The following CDH24 variants were observed in gnomAD, a reference collection of about 807,000 sequenced individuals.
The protein encoded by CDH24 is cadherin 24, also known as cadherin-24.
A neutral mutation model predicts 71.2 loss-of-function variants in CDH24; 61 were observed. The observed-to-expected ratio is 0.86, with a 90% CI of 0.70 to 1.06. The LOEUF (loss-of-function observed/expected upper bound fraction) is 1.06. CDH24 is among the 50% of genes least tolerant of loss of function. CDH24 has a pLI of 0.00. For missense variants in CDH24, 961 were observed against 1,083.7 expected (o/e 0.89, Z 1.59); for synonymous variants, 440 against 470.2 (o/e 0.94, Z 0.83).
chr14:23,050,925 A>G lies in CDH24; in HGVS notation c.1364-982T>C, dbSNP rs565140315. 2.6e-4 allele frequency among the ~76,000 whole-genome samples: 39 copies of G among 152,202 alleles called. 1 individual carries two copies. Among genetic ancestry groups the G allele is most frequent in the Non-Finnish European group, 2.9e-5 (2 of 67,972 alleles). On this transcript the variant is annotated intron_variant, in intron 8 of 12. Coordinates refer to ENST00000487137, the MANE Select transcript of CDH24 (RefSeq NM_144985.4). The stretch of plus-strand genomic sequence containing the variant: ...GGGATACCCCAGAGACAGGATGGGG[A>G]GGAGGTCTACTTCTTCCCTGCGGTA...
chr14:23,053,255 C>T (rs1036553386), intron 7 of CDH24, among the ~76,000 whole-genome samples: 1 of 152,198 alleles, frequency 6.6e-6, no homozygotes, highest in African/African-American at 2.4e-5. Flanking sequence ...ACTTGCACTG[C>T]CACTGGGAGG....
intron 7 of CDH24, 102 bp downstream of exon 7, chr14:23,053,394 G>A: frequency 1.5e-6 from 2 of 1,325,932 alleles, no homozygotes; most frequent in Non-Finnish European, 2.0e-6. Flanking sequence ...GCTTTTGCTG[G>A]GATATGAGTG....
chr14:23,048,297 C>G lies in CDH24; in HGVS notation c.2029G>C (p.Gly677Arg). 1 of 1,595,250 alleles carries G rather than the reference C, an allele frequency of 6.3e-7. No individual in the cohort carries two copies. The highest frequency in any genetic ancestry group is 8.5e-7 in the Non-Finnish European group (1 of 1,173,414). Reference protein sequence around the residue: ...NPDGAAPPAPGPPARRDVLPR... With the variant: ...NPDGAAPPAPRPPARRDVLPR... ...AACACGTCTCGGCGCGCGGGAGGGC[C>G]GGGCGCCGGGGGGGCCGCCCCGTCC... The change falls in exon 12 of 13, where the codon GGC becomes CGC. Residue 677 changes from glycine (G) to arginine (R), a missense_variant. By Grantham distance (125) the Gly-to-Arg change is moderately radical (BLOSUM62 -2). Transcript: ENST00000487137.
chr14:23,052,021 C>T (rs1324066515), intron 8 of CDH24: 6 of 1,588,488 alleles, frequency 3.8e-6, no homozygotes, highest in Non-Finnish European at 5.1e-6. Flanking sequence ...GGTGGGGCTG[C>T]TGGTGCACTC....
rs776504296 is a variant in CDH24, at chr14:23,048,174, C to T, written c.2152G>A (p.Gly718Ser). 5.2e-6 allele frequency: 7 copies of T among 1,350,914 alleles called. No individual in the cohort carries two copies. The South Asian group carries it at 1.2e-4, about 23-fold the overall frequency. 83.7% of individuals were successfully genotyped at this position (1,350,914 alleles called of 1,614,324 possible). The change falls in exon 12 of 13, where the codon GGC (glycine) becomes AGC (serine). Residue 718 changes from glycine (G) to serine (S), a missense_variant. Coordinates refer to ENST00000487137, the MANE Select transcript of CDH24 (RefSeq NM_144985.4). ...LRLREADEDP[G>S]VPPYDSVQVY... ...TGCACCGAGTCGTACGGGGGTACGC[C>T]GGGGTCCTCGTCCGCCTCGCGGAGC... is the stretch of plus-strand genomic sequence containing the variant.
rs2047109253 is a variant in CDH24 at position 23,054,423 on chromosome 14, G to GAGGCGA, written c.784+77_784+82dup. The GAGGCGA allele has an allele frequency of 1.9e-6, 3 of 1,554,220 alleles. No homozygotes were observed. The South Asian group carries it at 3.7e-5, about 19-fold the overall frequency. Reference sequence around the variant, plus strand: ...ATTCTCCCAGGATCTGGCTGGGGAGGAGGCGAGGAGGGAAGGTTTCTCCAG... The same window carrying GAGGCGA: ...ATTCTCCCAGGATCTGGCTGGGGAGGAGGCGAAGGCGAGGAGGGAAGGTTTCTCCAG... On this transcript the variant is annotated intron_variant, in intron 5 of 12. Transcript: ENST00000487137. The surrounding 1 kb of genome is among the most constrained non-coding windows in gnomAD (Gnocchi z 5.2).
chr14:23,054,814 C>A lies in CDH24; in HGVS notation c.549G>T (p.Gly183=). The part of the protein sequence containing the change: ...TAHDADDPSY[G]NSAKLVYTVL... ...CAGTGTACACCAGCTTGGCACTGTT[C>A]CCATAGCTGGGGTCATCAGCATCGT... Residue 183 remains glycine (G), a synonymous_variant, in exon 4 of 13, where the codon GGG becomes GGT. Transcript: ENST00000487137. The surrounding 1 kb of genome is among the most constrained non-coding windows in gnomAD (Gnocchi z 5.2). The A allele has an allele frequency of 1.9e-6, 3 of 1,614,006 alleles. No homozygotes were observed. The highest frequency in any genetic ancestry group is 2.5e-6 in the Non-Finnish European group (3 of 1,180,024).
chr14:23,047,946 C>G lies in CDH24; in HGVS notation c.*34G>C, dbSNP rs1001095751. ...ACTCAGAGGGCCTGTGCCCGCTGCC[C>G]CCCCCCCGCGGTGGGCCGGGCCAGC... On this transcript the variant is annotated 3_prime_UTR_variant, in exon 12 of 13. Transcript: ENST00000487137. 1.6e-6 allele frequency: 2 copies of G among 1,287,580 alleles called. No individual in the cohort carries two copies. The highest frequency in any genetic ancestry group is 1.6e-5 in the African/African-American group (1 of 63,772). 79.8% of individuals were successfully genotyped at this position (1,287,580 alleles called of 1,614,324 possible). A position where few individuals can be genotyped will look rare whatever the true frequency, so the allele number is the denominator to read the frequency against.
chr14:23,054,487 G>T lies in CDH24; in HGVS notation c.784+19C>A, dbSNP rs758584374. 3.7e-6 allele frequency: 6 copies of T among 1,606,598 alleles called. No homozygotes were observed. In the African/African-American group the frequency reaches 8.0e-5, roughly 21 times the overall value. On this transcript the variant is annotated intron_variant, in intron 5 of 12. Transcript: ENST00000487137. This position sits in a 1 kb window ranked among gnomAD's most constrained non-coding sequence, Gnocchi z 5.2. ...GGGGTGATCAAAGGATGGCTCAGGT[G>T]GCAGCAATGGCCCCTTACTCTGTGG...
At chr14:23,056,791 A>T (rs2047135609) in intron 1 of CDH24, among the ~76,000 whole-genome samples, 1 of 149,148 alleles carries the variant, frequency 6.7e-6, no homozygotes, top group South Asian at 2.2e-4. Context: ...GGCCACGGGA[A>T]GGGAGCTAGA....
At chr14:23,052,059 C>T (rs766944415) in intron 8 of CDH24, 1 of 1,569,690 alleles carries the variant, frequency 6.4e-7, no homozygotes, top group Non-Finnish European at 8.7e-7. Flanking sequence ...AGGTACCCAG[C>T]CCCTTTCTGG....
At position 23,054,683 on chromosome 14, in the gene CDH24, G is replaced by A; in HGVS notation, c.617-10C>T. On this transcript the variant is annotated splice_polypyrimidine_tract_variant and intron_variant, in intron 4 of 12. Coordinates refer to ENST00000487137, the MANE Select transcript of CDH24 (RefSeq NM_144985.4). The surrounding 1 kb of genome is among the most constrained non-coding windows in gnomAD (Gnocchi z 5.2). ...GCTGTACGCACCACTCCTAGGGAGAGATGCTGGTCAGAGGGTGTCTGTCCC... is the reference window on the plus strand; with the variant it reads ...GCTGTACGCACCACTCCTAGGGAGAAATGCTGGTCAGAGGGTGTCTGTCCC... 2.5e-6 allele frequency: 4 copies of A among 1,614,038 alleles called. No homozygotes were observed. The highest frequency in any genetic ancestry group is 3.4e-6 in the Non-Finnish European group (4 of 1,179,956).
chr14:23,055,494 G>T lies in CDH24; in HGVS notation c.201+39C>A. On this transcript the variant is annotated intron_variant, in intron 2 of 12. Transcript: ENST00000487137. This position sits in a 1 kb window ranked among gnomAD's most constrained non-coding sequence, Gnocchi z 4.1. ...TGAAGTTGCAGGGCAGGGCCTGAGG[G>T]CTTGGTGTCAGAGTAGACATGGGAG... is the stretch of plus-strand genomic sequence containing the variant. The T allele has an allele frequency of 6.2e-7, 1 of 1,607,530 alleles. No homozygotes were observed. Among genetic ancestry groups the T allele is most frequent in the Non-Finnish European group, 8.5e-7 (1 of 1,175,594 alleles).
At position 23,051,326 on chromosome 14, in the gene CDH24, C is replaced by T. The variant is rs2047083860; in HGVS notation, c.1363+1147G>A. 6.6e-6 allele frequency among the ~76,000 whole-genome samples: 1 copy of T among 152,120 alleles called. No homozygotes were observed. Among genetic ancestry groups the T allele is most frequent in the Non-Finnish European group, 1.5e-5 (1 of 67,992 alleles). The stretch of plus-strand genomic sequence containing the variant: ...ATCTCTATGTGACCTTGGGAAGTTA[C>T]TTAACTTCTCTTTGCCTGAGTTTAT... On this transcript the variant is annotated intron_variant, in intron 8 of 12. Transcript: ENST00000487137. The surrounding 1 kb of genome is among the most constrained non-coding windows in gnomAD (Gnocchi z 4.4).
chr14:23,048,046 G>A lies in CDH24; in HGVS notation c.2280C>T (p.Asp760=), dbSNP rs1276126952. ...GGGTGCGGAAGAGCGGACCCCAGTC[G>A]TCCAGCGGCTCCGCGGGGCCGGGGG... The part of the protein sequence containing the change: ...GGAPGPAEPL[D]DWGPLFRTLA... The change falls in exon 12 of 13, where the codon GAC becomes GAT. Residue 760 remains aspartate, a synonymous_variant. Transcript: ENST00000487137. 2.1e-6 allele frequency: 3 copies of A among 1,446,818 alleles called. No individual in the cohort carries two copies. Among genetic ancestry groups the A allele is most frequent in the African/African-American group, 3.0e-5 (2 of 66,990 alleles). The allele number at this position is 1,446,818 out of a possible 1,614,324, so 89.6% of individuals were successfully genotyped here.
At chr14:23,052,300 C>A in intron 8 of CDH24, 173 bp downstream of exon 8, 2 of 814,510 alleles carry the variant, frequency 2.5e-6, no homozygotes, top group Non-Finnish European at 4.1e-6. Context: ...AGGCTAGGAC[C>A]CAGATCCAGG....
In CDH24 at chr14:23,054,038, A is replaced by G. The variant is rs1053678170; in HGVS notation, c.972+103T>C. The G allele has an allele frequency of 5.5e-5, 69 of 1,265,110 alleles. No individual in the cohort carries two copies. Among genetic ancestry groups the G allele is most frequent in the Non-Finnish European group, 4.9e-5 (45 of 921,326 alleles). 78.4% of individuals were successfully genotyped at this position (1,265,110 alleles called of 1,614,324 possible). On this transcript the variant is annotated intron_variant, in intron 6 of 12. Transcript: ENST00000487137. This position sits in a 1 kb window ranked among gnomAD's most constrained non-coding sequence, Gnocchi z 5.2. ...AGGTGACCATGATCTCTAAGCTCCA[A>G]CAGAGAGATCCTGAGTCTGTTCTAG...
chr14:23,052,661 G>A (rs775482024), intron 7 of CDH24, 52 bp from the exon 8 acceptor site: 1 of 1,581,900 alleles, frequency 6.3e-7, no homozygotes. Flanking sequence ...ACCACAGCTT[G>A]TTCCACCCCC....
rs986179041 is a variant in CDH24, at chr14:23,051,835, C to G, written c.1363+638G>C. On this transcript the variant is annotated intron_variant, in intron 8 of 12. Transcript: ENST00000487137. The surrounding 1 kb of genome is among the most constrained non-coding windows in gnomAD (Gnocchi z 4.4). Reference sequence around the variant, plus strand: ...GTATAAGGGACTATTCACAGAAGATCGGGAGGGAGGTCTCCCTGTCTGTAT... The same window carrying G: ...GTATAAGGGACTATTCACAGAAGATGGGGAGGGAGGTCTCCCTGTCTGTAT... The G allele has an allele frequency of 8.9e-6, 5 of 563,654 alleles. No homozygotes were observed. The highest frequency in any genetic ancestry group is 9.4e-6 in the Non-Finnish European group (3 of 320,194). 34.9% of individuals were successfully genotyped at this position (563,654 alleles called of 1,614,324 possible). A position where few individuals can be genotyped will look rare whatever the true frequency, so the allele number is the denominator to read the frequency against.
Sources: gnomAD v4.1 joint callset for allele counts (sites outside exome capture counted in the v4.1 genomes callset) on GRCh38, gnomAD v4.1.1 for gene constraint, Gnocchi (gnomAD v3.1) non-coding constraint, MANE v1.5 for transcripts, NCBI Gene and HGNC (gene_info 2026-07-23, HGNC 2026-07-21) for gene names.